Variants in ASIC2 observed in about 807,000 individuals in gnomAD.
ASIC2 encodes acid-sensing ion channel 2.
ASIC2 carries 25 observed loss-of-function variants against 57.3 expected under a neutral mutation model. The observed-to-expected ratio is 0.44, with a 90% CI of 0.32 to 0.61. The LOEUF is 0.61. Among genes scored for constraint, ASIC2 ranks in the 20% least tolerant of loss-of-function variants. The pLI is 0.06. For synonymous variants in ASIC2, 319 were observed against 307.5 expected, an observed-to-expected ratio of 1.04 and a Z score of -0.39; for missense variants, 641 against 738.1, an observed-to-expected ratio of 0.87 and a Z score of 1.52.
intron 1 of ASIC2, among the ~76,000 whole-genome samples, chr17:33,315,214 C>T (rs1567820338): frequency 6.6e-6 from 1 of 152,082 alleles, no homozygotes; most frequent in Non-Finnish European, 1.5e-5. Flanking sequence ...GTACTGAATG[C>T]ACAATTAAAC....
intron 1 of ASIC2, among the ~76,000 whole-genome samples, chr17:33,852,652 T>C (rs545313922): frequency 1.3e-5 from 2 of 150,910 alleles, no homozygotes; most frequent in Non-Finnish European, 3.0e-5. Flanking sequence ...GGCTGTCTGA[T>C]TGCAAAGCCA....
chr17:33,448,932 G>C (rs935112695), intron 1 of ASIC2, among the ~76,000 whole-genome samples: 2 of 152,178 alleles, frequency 1.3e-5, no homozygotes, highest in Admixed American at 6.5e-5. Flanking sequence ...CAGGAGACTT[G>C]TGTCAATTCT....
At chr17:33,515,508 C>T (rs766410741) in intron 1 of ASIC2, among the ~76,000 whole-genome samples, 3 of 152,240 alleles carry the variant, frequency 2.0e-5, no homozygotes, top group South Asian at 2.1e-4. Flanking sequence ...AGAATACTCA[C>T]GTGTTCTAGT....
chr17:33,443,824 T>G (rs1295348335), intron 1 of ASIC2, among the ~76,000 whole-genome samples: 1 of 152,218 alleles, frequency 6.6e-6, no homozygotes, highest in Admixed American at 6.5e-5. Flanking sequence ...TGTGTTCATT[T>G]GCTTGGACTT....
At chr17:33,228,241 TA>T (rs1249340410) in intron 1 of ASIC2, among the ~76,000 whole-genome samples, 2 of 152,180 alleles carry the variant, frequency 1.3e-5, no homozygotes, top group Non-Finnish European at 2.9e-5. Context: ...GCTCTGGAAC[TA>T]GACAGTGGTG....
intron 1 of ASIC2, among the ~76,000 whole-genome samples, chr17:34,091,430 G>A (rs1027220900): frequency 6.6e-6 from 1 of 152,246 alleles, no homozygotes; most frequent in African/African-American, 2.4e-5. Context: ...CAGTTCCCCA[G>A]GTTTGGGGCT....
In ASIC2 at chr17:33,013,194, A is replaced by T. The variant is rs919039915; in HGVS notation, c.*771T>A. ...AACCTCAGAACATCAAAACTAAAAT[A>T]AAAAAGCATAAAATGAAGCAAAACA... On this transcript the variant is annotated 3_prime_UTR_variant, in exon 10 of 10. Coordinates refer to ENST00000225823, the MANE Select transcript of ASIC2 (RefSeq NM_183377.2). The T allele has an allele frequency of 2.0e-5, 3 of 152,344 alleles. No homozygotes were observed. Among genetic ancestry groups the T allele is most frequent in the Non-Finnish European group, 4.4e-5 (3 of 68,058 alleles). 9.4% of individuals were successfully genotyped at this position (152,344 alleles called of 1,614,324 possible). A position where few individuals can be genotyped will look rare whatever the true frequency, so the allele number is the denominator to read the frequency against.
intron 1 of ASIC2, among the ~76,000 whole-genome samples, chr17:34,155,274 C>T (rs753987494): frequency 1.8e-4 from 27 of 152,176 alleles, no homozygotes; most frequent in Non-Finnish European, 2.9e-4. Flanking sequence ...CGTGCCTCCG[C>T]CCAGACCCTC....
intron 1 of ASIC2, among the ~76,000 whole-genome samples, chr17:33,799,374 CTTCCTTT>C (rs1567718825): frequency 1.2e-4 from 12 of 99,424 alleles, no homozygotes; most frequent in African/African-American, 4.9e-4. Flanking sequence ...TTCTTTCTTT[CTTCCTTT>C]CTTTCTTTCT....
intron 1 of ASIC2, among the ~76,000 whole-genome samples, chr17:33,343,214 C>T (rs183716740): frequency 6.6e-6 from 1 of 152,302 alleles, no homozygotes; most frequent in Non-Finnish European, 1.5e-5. Context: ...GGACAACCCA[C>T]TTACACGTTC....
intron 1 of ASIC2, among the ~76,000 whole-genome samples, chr17:33,147,905 G>A (rs902903123): frequency 3.9e-5 from 6 of 152,188 alleles, no homozygotes; most frequent in African/African-American, 1.2e-4. Context: ...ACAGACTGGA[G>A]GACCGGGATG....
At chr17:33,567,993 CCTT>C in intron 1 of ASIC2, among the ~76,000 whole-genome samples, 1 of 152,254 alleles carries the variant, frequency 6.6e-6, no homozygotes. Flanking sequence ...ACATGGATAT[CCTT>C]CTTTTCATTA....
At chr17:33,105,613 T>C (rs548753883) in intron 2 of ASIC2, among the ~76,000 whole-genome samples, 1 of 152,192 alleles carries the variant, frequency 6.6e-6, no homozygotes, top group East Asian at 1.9e-4. Context: ...TTGGACAAGT[T>C]TGGAGGGCTC....
chr17:33,168,025 A>C (rs1368743783), intron 1 of ASIC2, among the ~76,000 whole-genome samples: 3 of 152,256 alleles, frequency 2.0e-5, no homozygotes, highest in Non-Finnish European at 2.9e-5. Context: ...CCAATATTGC[A>C]GAATTGGGTT....
intron 1 of ASIC2, among the ~76,000 whole-genome samples, chr17:33,203,641 G>A (rs1015532495): frequency 3.3e-5 from 5 of 152,062 alleles, no homozygotes; most frequent in Admixed American, 1.3e-4. Context: ...CTTTATTCTC[G>A]GGGTTGGCAA....
At chr17:33,972,562 A>G (rs921694885) in intron 1 of ASIC2, among the ~76,000 whole-genome samples, 1 of 152,208 alleles carries the variant, frequency 6.6e-6, no homozygotes, top group African/African-American at 2.4e-5. Context: ...CTGTTTGGAA[A>G]AACAAAACAA....
At chr17:33,283,870 T>C (rs1905053107) in intron 1 of ASIC2, among the ~76,000 whole-genome samples, 2 of 152,204 alleles carry the variant, frequency 1.3e-5, no homozygotes, top group Admixed American at 1.3e-4. Context: ...TGGCCAAAGC[T>C]GCACCAAGAT....
intron 1 of ASIC2, among the ~76,000 whole-genome samples, chr17:33,408,359 G>T (rs763623769): frequency 2.6e-5 from 4 of 152,142 alleles, no homozygotes; most frequent in Non-Finnish European, 5.9e-5. Flanking sequence ...GCTGGGCTAT[G>T]GTTGTAGGTG....
In ASIC2 at chr17:33,372,736, C is replaced by T. The variant is rs374357179; in HGVS notation, c.556-260669G>A. On this transcript the variant is annotated intron_variant, in intron 1 of 9. Transcript: ENST00000359872. ...TTGGGATCTGGGCAGCCCATAGCCC[C>T]CTGGGAGGTAACAGCTCCCAGTGGT... is the stretch of plus-strand genomic sequence containing the variant. Among the ~76,000 whole-genome samples, 22 of 152,274 alleles carry T rather than the reference C, an allele frequency of 1.4e-4. No homozygotes were observed. The East Asian group carries it at 3.5e-3, about 24-fold the overall frequency.
Sources: allele counts gnomAD v4.1 joint callset (sites outside exome capture counted in the v4.1 genomes callset), GRCh38; gene constraint gnomAD v4.1.1; transcripts MANE v1.5; gene names NCBI Gene and HGNC (gene_info 2026-07-23, HGNC 2026-07-21).